Variants in TMEM255B observed in about 807,000 individuals in gnomAD.
TMEM255B encodes transmembrane protein 255B.
A neutral mutation model predicts 34.5 loss-of-function variants in TMEM255B; 35 were observed. The ratio of observed to expected loss-of-function variants is 1.01; its 90% CI spans 0.77 to 1.34. The LOEUF (loss-of-function observed/expected upper bound fraction) is 1.34, where lower values mean the gene tolerates loss of function less well. Among genes scored for constraint, TMEM255B ranks in the 40% most tolerant of loss-of-function variants. The pLI is 0.00. For synonymous variants in TMEM255B, 206 were observed against 201.2 expected (o/e 1.02, Z -0.20); for missense variants, 432 against 433.2 (o/e 1.00, Z 0.02).
At chr13:113,772,750 A>G (rs1387014696) in intron 3 of TMEM255B, among the ~76,000 whole-genome samples, 3 of 152,210 alleles carry the variant, frequency 2.0e-5, no homozygotes, top group African/African-American at 4.8e-5. Context: ...TTTTAATTCT[A>G]TTCTTTTAAT....
At chr13:113,804,509 T>C (rs1049745175) in intron 7 of TMEM255B, among the ~76,000 whole-genome samples, 4 of 152,144 alleles carry the variant, frequency 2.6e-5, no homozygotes, top group African/African-American at 7.2e-5. Flanking sequence ...CCAGTGTGAC[T>C]AGCAGGTGGC....
At chr13:113,760,443 A>T (rs1158720569) in intron 1 of TMEM255B, among the ~76,000 whole-genome samples, 1 of 152,230 alleles carries the variant, frequency 6.6e-6, no homozygotes, top group African/African-American at 2.4e-5. Flanking sequence ...TCTTCTGACA[A>T]AGAACTTTAA....
At chr13:113,777,643 G>A (rs2050601177) in intron 3 of TMEM255B, among the ~76,000 whole-genome samples, 1 of 152,254 alleles carries the variant, frequency 6.6e-6, no homozygotes, top group African/African-American at 2.4e-5. Flanking sequence ...GGGTCCACCA[G>A]GCTTTGCTCA....
In TMEM255B at chr13:113,816,612, G is replaced by A. The variant is rs944889340; in HGVS notation, c.*4709G>A. The A allele has an allele frequency of 6.6e-6, 1 of 152,290 alleles. No individual in the cohort carries two copies. The highest frequency in any genetic ancestry group is 1.5e-5 in the Non-Finnish European group (1 of 68,114). 9.4% of individuals were successfully genotyped at this position (152,290 alleles called of 1,614,324 possible). On this transcript the variant is annotated 3_prime_UTR_variant, in exon 9 of 9. Transcript: ENST00000375353. ...GAGCAGCTCCTCCTGCAGACTTGGG[G>A]ACCCCGTGGCCACCAGACCCCGCGG...
In TMEM255B at chr13:113,770,405, A is replaced by C. The variant is rs1229211350; in HGVS notation, c.252+1245A>C. Among the ~76,000 whole-genome samples the C allele has an allele frequency of 2.0e-5, 3 of 152,158 alleles. No individual in the cohort carries two copies. The highest frequency in any genetic ancestry group is 7.2e-5 in the African/African-American group (3 of 41,428). On this transcript the variant is annotated intron_variant, in intron 3 of 8. Coordinates refer to ENST00000375353, the MANE Select transcript of TMEM255B (RefSeq NM_182614.4). The surrounding 1 kb of genome is among the most constrained non-coding windows in gnomAD (Gnocchi z 4.6). ...ATGAGATTTGGGTGAGGACACAGCC[A>C]AACCATATCACCCCGCATGGGACCC...
intron 2 of TMEM255B, among the ~76,000 whole-genome samples, chr13:113,767,113 C>G (rs981252247): frequency 6.6e-6 from 1 of 152,124 alleles, no homozygotes; most frequent in Non-Finnish European, 1.5e-5. Context: ...ATTACTCTCA[C>G]CTAAAGTACT....
intron 4 of TMEM255B, among the ~76,000 whole-genome samples, chr13:113,797,422 G>A (rs185597334): frequency 1.7e-3 from 266 of 152,334 alleles, no homozygotes; most frequent in African/African-American, 6.1e-3. Context: ...CGAGGACACC[G>A]TGCTGCTAGG....
In TMEM255B at chr13:113,811,778, T is replaced by A; in HGVS notation, c.856T>A (p.Ser286Thr). The A allele has an allele frequency of 3.1e-6, 5 of 1,613,882 alleles. No homozygotes were observed. Among genetic ancestry groups the A allele is most frequent in the Non-Finnish European group, 4.2e-6 (5 of 1,179,888 alleles). Reference sequence around the variant, plus strand: ...AGTTGCGCCCTCCTCTGCCCTGGCTTCGTCTGAGGACCTGCAGCCCCCTTC... The same window carrying A: ...AGTTGCGCCCTCCTCTGCCCTGGCTACGTCTGAGGACCTGCAGCCCCCTTC... ...FPVAPSSALA[S>T]SEDLQPPSPS... Residue 286 changes from serine to threonine, a missense_variant, in exon 9 of 9, where the codon TCG (serine) becomes ACG (threonine). Coordinates refer to ENST00000375353, the MANE Select transcript of TMEM255B (RefSeq NM_182614.4).
intron 8 of TMEM255B, among the ~76,000 whole-genome samples, chr13:113,807,851 C>A (rs116093202): frequency 0.025 from 3,352 of 134,364 alleles, 58 homozygotes; most frequent in Admixed American, 0.044. Flanking sequence ...CCGTCACACG[C>A]GGGCTTACGG....
chr13:113,785,328 T>G (rs3935960), intron 3 of TMEM255B, among the ~76,000 whole-genome samples: 17,042 of 150,420 alleles, frequency 0.11, 1,050 homozygotes, highest in South Asian at 0.22. Flanking sequence ...CCTTCTGATT[T>G]CCACCTGCAC....
At chr13:113,761,576 A>G (rs959321334) in intron 1 of TMEM255B, among the ~76,000 whole-genome samples, 9 of 152,314 alleles carry the variant, frequency 5.9e-5, no homozygotes, top group East Asian at 3.9e-4. Flanking sequence ...TCAGCTTCAC[A>G]TCTCAGAACT....
At chr13:113,773,160 A>T (rs1308525772) in intron 3 of TMEM255B, among the ~76,000 whole-genome samples, 1 of 152,196 alleles carries the variant, frequency 6.6e-6, no homozygotes, top group Non-Finnish European at 1.5e-5. Context: ...TTACCAAATT[A>T]AATTTATTCT....
At chr13:113,788,397 G>A (rs1241504041) in intron 3 of TMEM255B, among the ~76,000 whole-genome samples, 4 of 148,404 alleles carry the variant, frequency 2.7e-5, no homozygotes, top group African/African-American at 1.0e-4. Flanking sequence ...GGGTGGGGAT[G>A]GGCAGCAGAG....
intron 7 of TMEM255B, 111 bp from the exon 8 acceptor site, chr13:113,804,774 G>T: frequency 1.1e-6 from 1 of 885,660 alleles, no homozygotes; most frequent in Non-Finnish European, 1.6e-6. Context: ...GCCGGGGTTA[G>T]TTCCAGCCTG....
At chr13:113,785,474 A>T (rs979603485) in intron 3 of TMEM255B, among the ~76,000 whole-genome samples, 1 of 152,152 alleles carries the variant, frequency 6.6e-6, no homozygotes, top group African/African-American at 2.4e-5. Context: ...TCCTCGTCCT[A>T]CCTCTCTTGC....
Position 113,762,713 on chromosome 13 carries a change from G to A in TMEM255B, c.46+3398G>A, listed in dbSNP as rs1290232192. ...CCCACTCTTCATGCCAAGGAACCGA[G>A]CAGAGCTTCCAGCTTTAAGAACCAG... On this transcript the variant is annotated intron_variant, in intron 1 of 8. Coordinates refer to ENST00000375353, the MANE Select transcript of TMEM255B (RefSeq NM_182614.4). Among the ~76,000 whole-genome samples, 7 of 152,320 alleles carry A rather than the reference G, an allele frequency of 4.6e-5. No individual in the cohort carries two copies. In the East Asian group the frequency reaches 1.3e-3, roughly 29 times the overall value.
At chr13:113,772,286 C>G (rs2050491189) in intron 3 of TMEM255B, among the ~76,000 whole-genome samples, 1 of 152,186 alleles carries the variant, frequency 6.6e-6, no homozygotes, top group Admixed American at 6.5e-5. Flanking sequence ...ACATTCTGTA[C>G]ATTGCCGTTT....
intron 3 of TMEM255B, among the ~76,000 whole-genome samples, chr13:113,779,345 T>G (rs1426566924): frequency 6.6e-6 from 1 of 152,198 alleles, no homozygotes; most frequent in Non-Finnish European, 1.5e-5. Context: ...GGCTACTTCC[T>G]GCTGAGAGAG....
chr13:113,762,167 GC>G (rs1418184340), intron 1 of TMEM255B, among the ~76,000 whole-genome samples: 1 of 149,830 alleles, frequency 6.7e-6, no homozygotes, highest in Non-Finnish European at 1.5e-5. Flanking sequence ...CTAAGTGAAA[GC>G]CCCTTTCTCT....
Sources: allele counts gnomAD v4.1 joint callset (sites outside exome capture counted in the v4.1 genomes callset), GRCh38; gene constraint gnomAD v4.1.1; non-coding constraint Gnocchi (gnomAD v3.1); transcripts MANE v1.5; gene names NCBI Gene and HGNC (gene_info 2026-07-23, HGNC 2026-07-21).